Variants in PID1 observed in about 807,000 individuals in gnomAD.
The protein encoded by PID1 is PTB-containing, cubilin and LRP1-interacting protein.
PID1 carries 10 observed loss-of-function variants against 19.1 expected under a neutral mutation model. The observed-to-expected ratio is 0.52, with a 90% CI of 0.32 to 0.89. PID1 has a LOEUF of 0.89. PID1 is among the 40% of genes least tolerant of loss of function. The pLI, the probability that PID1 is intolerant of heterozygous loss-of-function variation, is 0.03. For synonymous variants in PID1, 130 were observed against 116.0 expected (o/e 1.12, Z -0.78); for missense variants, 248 against 285.3 (o/e 0.87, Z 0.94).
intron 2 of PID1, among the ~76,000 whole-genome samples, chr2:229,093,132 C>CTTTTTTTTTTTTT (rs1011657647): frequency 1.7e-5 from 1 of 57,998 alleles, no homozygotes; most frequent in African/African-American, 4.6e-5. Flanking sequence ...CTTTCTTTTT[C>CTTTTTTTTTTTTT]TTTTTCTTTT....
At chr2:229,221,846 A>T (rs1488169918) in intron 1 of PID1, among the ~76,000 whole-genome samples, 1 of 152,142 alleles carries the variant, frequency 6.6e-6, no homozygotes, top group Non-Finnish European at 1.5e-5. Flanking sequence ...AAGCCAAAAG[A>T]GTGGCAGTCC....
chr2:229,201,193 T>A (rs1405296209), intron 1 of PID1, among the ~76,000 whole-genome samples: 5 of 152,082 alleles, frequency 3.3e-5, no homozygotes, highest in Admixed American at 3.3e-4. Context: ...TACATTCAAA[T>A]TGTTGTGTAA....
chr2:229,227,877 A>G, intron 1 of PID1: 1 of 433,014 alleles, frequency 2.3e-6, no homozygotes, highest in Admixed American at 2.5e-5. Context: ...TATATTAGGT[A>G]TTGTAAGTAA....
chr2:229,046,678 G>A (rs193076771), intron 2 of PID1, among the ~76,000 whole-genome samples: 1 of 152,194 alleles, frequency 6.6e-6, no homozygotes, highest in Admixed American at 6.5e-5. Flanking sequence ...GCAGACAGGT[G>A]AGGTTTTTAT....
rs1690727778 is a variant in PID1 at position 229,271,138 on chromosome 2, G to C, written c.-95C>G. The stretch of plus-strand genomic sequence containing the variant: ...GGGGTCCCGCTTTACATCTGGGGTC[G>C]GTGTCCGCGGGATGTGCGTCCTGGC... On this transcript the variant is annotated 5_prime_UTR_variant, in exon 1 of 3. Coordinates refer to ENST00000392055, the MANE Select transcript of PID1 (RefSeq NM_001100818.2). 7.3e-7 allele frequency: 1 copy of C among 1,373,136 alleles called. No homozygotes were observed. The highest frequency in any genetic ancestry group is 1.5e-5 in the African/African-American group (1 of 68,096). The allele number at this position is 1,373,136 out of a possible 1,614,324, so 85.1% of individuals were successfully genotyped here.
intron 2 of PID1, among the ~76,000 whole-genome samples, chr2:229,094,327 A>G (rs1014990175): frequency 2.6e-5 from 4 of 152,194 alleles, no homozygotes; most frequent in African/African-American, 9.7e-5. Flanking sequence ...TCCCATGGCC[A>G]TGGATTAGAA....
chr2:229,080,457 G>A (rs1417937621), intron 2 of PID1, among the ~76,000 whole-genome samples: 1 of 152,100 alleles, frequency 6.6e-6, no homozygotes, highest in Non-Finnish European at 1.5e-5. Context: ...CTTTGTGAAT[G>A]ACCCCTCACA....
chr2:229,182,500 G>T (rs1355563477), intron 1 of PID1, among the ~76,000 whole-genome samples: 1 of 152,122 alleles, frequency 6.6e-6, no homozygotes, highest in Non-Finnish European at 1.5e-5. Flanking sequence ...CTTGTCCACA[G>T]CTCCATTTTA....
intron 1 of PID1, among the ~76,000 whole-genome samples, chr2:229,230,339 A>C (rs1692178015): frequency 6.6e-6 from 1 of 152,216 alleles, no homozygotes. Context: ...GACTGAATAG[A>C]ATAATAAACT....
chr2:229,253,519 G>A (rs929881647), intron 1 of PID1, among the ~76,000 whole-genome samples: 5 of 151,052 alleles, frequency 3.3e-5, no homozygotes, highest in Admixed American at 6.6e-5. Context: ...CCAGTACTAC[G>A]GTAAAATGAG....
At chr2:229,128,347 C>A (rs77181939) in intron 2 of PID1, among the ~76,000 whole-genome samples, 1,997 of 152,292 alleles carry the variant, frequency 0.013, 42 homozygotes, top group African/African-American at 0.045. Context: ...AGTGACACTG[C>A]CTTTTCTCCC....
intron 2 of PID1, among the ~76,000 whole-genome samples, chr2:229,153,362 CA>C (rs1690295936): frequency 6.6e-6 from 1 of 152,166 alleles, no homozygotes; most frequent in Non-Finnish European, 1.5e-5. Context: ...TTCCTGACTC[CA>C]GGGTCATGAT....
At chr2:229,155,612 C>T (rs1427632411) in intron 2 of PID1, among the ~76,000 whole-genome samples, 2 of 151,884 alleles carry the variant, frequency 1.3e-5, no homozygotes, top group South Asian at 4.2e-4. Context: ...GTCTTTAATG[C>T]GTGTCCAAAA....
chr2:229,024,619 G>T lies in PID1; in HGVS notation c.*1013C>A, dbSNP rs1186569717. The T allele has an allele frequency of 6.6e-6, 1 of 152,580 alleles. No individual in the cohort carries two copies. Among genetic ancestry groups the T allele is most frequent in the Non-Finnish European group, 1.5e-5 (1 of 68,032 alleles). The allele number at this position is 152,580 out of a possible 1,614,324, so 9.5% of individuals were successfully genotyped here. On this transcript the variant is annotated 3_prime_UTR_variant, in exon 3 of 3. Transcript: ENST00000392055. ...TATCTAAGTGCAATGCTGAGTGATGGGGGCAAGGTTTCCTCGGTGATACCA... is the reference window on the plus strand; with the variant it reads ...TATCTAAGTGCAATGCTGAGTGATGTGGGCAAGGTTTCCTCGGTGATACCA...
intron 2 of PID1, among the ~76,000 whole-genome samples, chr2:229,118,140 G>A (rs542301941): frequency 6.6e-5 from 10 of 152,278 alleles, no homozygotes; most frequent in Non-Finnish European, 1.3e-4. Context: ...ATGAATGAAT[G>A]CATCACAAAG....
At chr2:229,186,263 T>C (rs944185311) in intron 1 of PID1, among the ~76,000 whole-genome samples, 3 of 152,162 alleles carry the variant, frequency 2.0e-5, no homozygotes, top group Admixed American at 6.5e-5. Context: ...TGGGCTGGCA[T>C]TGAGTGTCTG....
intron 1 of PID1, among the ~76,000 whole-genome samples, chr2:229,172,421 G>A (rs1690728900): frequency 6.6e-6 from 1 of 152,180 alleles, no homozygotes; most frequent in African/African-American, 2.4e-5. Context: ...GGCTCCAGGA[G>A]AGGCTGCTTC....
chr2:229,145,576 G>A (rs1213995178), intron 2 of PID1, among the ~76,000 whole-genome samples: 2 of 151,944 alleles, frequency 1.3e-5, no homozygotes, highest in Non-Finnish European at 2.9e-5. Context: ...GAAATCATAA[G>A]GGGAAAATAA....
At chr2:229,136,898 A>C (rs1689868333) in intron 2 of PID1, among the ~76,000 whole-genome samples, 1 of 152,208 alleles carries the variant, frequency 6.6e-6, no homozygotes. Context: ...CTTACCACGT[A>C]TCTTTATGGT....
Sources: allele counts gnomAD v4.1 joint callset (sites outside exome capture counted in the v4.1 genomes callset), GRCh38; gene constraint gnomAD v4.1.1; transcripts MANE v1.5; gene names NCBI Gene and HGNC (gene_info 2026-07-23, HGNC 2026-07-21).